TSHZ2: variants seen among roughly 807,000 people sequenced by gnomAD.
The protein encoded by TSHZ2 is teashirt zinc finger homeobox 2.
TSHZ2 carries 21 observed loss-of-function variants against 74.4 expected under a neutral mutation model. The observed-to-expected ratio is 0.28, with a 90% confidence interval of 0.20 to 0.41. The LOEUF (loss-of-function observed/expected upper bound fraction) is 0.41. TSHZ2 is among the 10% of genes least tolerant of loss of function. TSHZ2 has a pLI of 1.00. For synonymous variants in TSHZ2, 540 were observed against 515.3 expected, an observed-to-expected ratio of 1.05 and a Z score of -0.65; for missense variants, 1,244 against 1,293.5, an observed-to-expected ratio of 0.96 and a Z score of 0.59.
intron 1 of TSHZ2, among the ~76,000 whole-genome samples, chr20:53,118,032 G>C (rs770961108): frequency 2.0e-5 from 3 of 152,184 alleles, no homozygotes; most frequent in Admixed American, 6.5e-5. Context: ...TCACTCAGGA[G>C]AATTGTGGAA....
intron 2 of TSHZ2, among the ~76,000 whole-genome samples, chr20:53,409,034 T>C (rs1480359477): frequency 6.6e-6 from 1 of 152,198 alleles, no homozygotes; most frequent in African/African-American, 2.4e-5. Flanking sequence ...ACGTGCACTG[T>C]TTGATCATCT....
chr20:53,354,052 C>A (rs369408940), intron 2 of TSHZ2, among the ~76,000 whole-genome samples: 1 of 152,182 alleles, frequency 6.6e-6, no homozygotes, highest in African/African-American at 2.4e-5. Context: ...GTAATGCCGT[C>A]GTAGGCACCA....
chr20:53,106,753 A>G (rs547897016), intron 1 of TSHZ2, among the ~76,000 whole-genome samples: 1 of 139,696 alleles, frequency 7.2e-6, no homozygotes, highest in South Asian at 2.2e-4. Flanking sequence ...GCTAGGGTGC[A>G]GTGGCACTAT....
intron 2 of TSHZ2, chr20:53,273,450 C>T (rs11697496): frequency 0.089 from 13,630 of 152,322 alleles, 750 homozygotes; most frequent in Admixed American, 0.19. Flanking sequence ...TGTGCCACCA[C>T]GCCTAATTTT....
intron 2 of TSHZ2, among the ~76,000 whole-genome samples, chr20:53,391,178 GCT>G (rs1187502661): frequency 6.6e-6 from 1 of 151,272 alleles, no homozygotes; most frequent in Non-Finnish European, 1.5e-5. Flanking sequence ...ACAGAGTCTT[GCT>G]CTGTCGCCCA....
intron 2 of TSHZ2, among the ~76,000 whole-genome samples, chr20:53,401,560 C>A (rs1198701416): frequency 2.0e-5 from 3 of 151,590 alleles, no homozygotes; most frequent in Non-Finnish European, 2.9e-5. Context: ...CCCCTCCCCC[C>A]CGAGTCCCCA....
chr20:52,986,259 C>T (rs1253367633), intron 1 of TSHZ2, among the ~76,000 whole-genome samples: 1 of 151,404 alleles, frequency 6.6e-6, no homozygotes, highest in Admixed American at 6.6e-5. Flanking sequence ...ATTAGCCGGG[C>T]GTGGTGGTGG....
chr20:53,211,373 A>G (rs1989300094), intron 1 of TSHZ2, among the ~76,000 whole-genome samples: 1 of 152,212 alleles, frequency 6.6e-6, no homozygotes, highest in Non-Finnish European at 1.5e-5. Flanking sequence ...GGCTCCATTA[A>G]GCACTGTAGG....
chr20:53,149,438 G>C (rs558992769), intron 1 of TSHZ2, among the ~76,000 whole-genome samples: 1 of 152,296 alleles, frequency 6.6e-6, no homozygotes, highest in East Asian at 1.9e-4. Flanking sequence ...AAGAAAGAGA[G>C]AACATCAAAA....
At chr20:52,999,209 C>T (rs1982320046) in intron 1 of TSHZ2, among the ~76,000 whole-genome samples, 1 of 152,144 alleles carries the variant, frequency 6.6e-6, no homozygotes, top group Admixed American at 6.5e-5. Context: ...CACAGAGTTC[C>T]CGATTCACCT....
At chr20:53,161,237 C>A (rs1987931593) in intron 1 of TSHZ2, among the ~76,000 whole-genome samples, 1 of 149,602 alleles carries the variant, frequency 6.7e-6, no homozygotes, top group Admixed American at 6.7e-5. Context: ...AAATGAATGT[C>A]TGCGGAATGA....
At position 53,390,281 on chromosome 20, in the gene TSHZ2, G is replaced by T. The variant is rs552905900; in HGVS notation, c.*9-96863G>T. Among the ~76,000 whole-genome samples, 4 of 152,282 alleles carry T rather than the reference G, an allele frequency of 2.6e-5. No homozygotes were observed. The South Asian group carries it at 8.3e-4, about 32-fold the overall frequency. ...ATTTGGAAGCCGTGAGATTTATTTG[G>T]ATGTCTCGCAGGGCCAGGGGCAGCC... is the stretch of plus-strand genomic sequence containing the variant. On this transcript the variant is annotated intron_variant, in intron 2 of 2. Transcript: ENST00000371497.
At chr20:53,252,375 T>C (rs947794805) in intron 1 of TSHZ2, among the ~76,000 whole-genome samples, 3 of 152,208 alleles carry the variant, frequency 2.0e-5, no homozygotes, top group African/African-American at 2.4e-5. Context: ...AAAGAAAATA[T>C]TGCATTAAGA....
At chr20:52,995,634 A>G (rs2122935797) in intron 1 of TSHZ2, among the ~76,000 whole-genome samples, 1 of 138,840 alleles carries the variant, frequency 7.2e-6, no homozygotes, top group Non-Finnish European at 1.5e-5. Context: ...TTTTTTTGAG[A>G]CATAGTCTCG....
chr20:52,988,140 A>C (rs1484573166), intron 1 of TSHZ2, among the ~76,000 whole-genome samples: 1 of 152,178 alleles, frequency 6.6e-6, no homozygotes, highest in African/African-American at 2.4e-5. Context: ...TGATGGTGCT[A>C]ATGATGAACA....
intron 2 of TSHZ2, among the ~76,000 whole-genome samples, chr20:53,311,916 T>C (rs1392992073): frequency 6.6e-6 from 1 of 151,992 alleles, no homozygotes. Flanking sequence ...ATATTGTCTC[T>C]ACAAAAAATA....
chr20:52,976,233 C>A (rs1011573704), intron 1 of TSHZ2, among the ~76,000 whole-genome samples: 7 of 152,220 alleles, frequency 4.6e-5, no homozygotes, highest in Non-Finnish European at 8.8e-5. Context: ...CCTCCCCCTT[C>A]AGGGGGAAGG....
At chr20:53,417,267 C>G (rs1483725458) in intron 2 of TSHZ2, among the ~76,000 whole-genome samples, 1 of 151,422 alleles carries the variant, frequency 6.6e-6, no homozygotes, top group Admixed American at 6.6e-5. Context: ...CACACACACA[C>G]ACACACACAC....
intron 2 of TSHZ2, among the ~76,000 whole-genome samples, chr20:53,342,031 G>A (rs1980224906): frequency 6.6e-6 from 1 of 152,080 alleles, no homozygotes; most frequent in African/African-American, 2.4e-5. Flanking sequence ...TAAATATACA[G>A]AAAAATTGAG....
Sources: allele counts gnomAD v4.1 joint callset (sites outside exome capture counted in the v4.1 genomes callset), GRCh38; gene constraint gnomAD v4.1.1; transcripts MANE v1.5; gene names NCBI Gene and HGNC (gene_info 2026-07-23, HGNC 2026-07-21).